The following PHLDB2 variants were observed in gnomAD, a reference collection of about 807,000 sequenced individuals.
PHLDB2 encodes pleckstrin homology-like domain family B member 2.
A neutral mutation model predicts 123.6 loss-of-function variants in PHLDB2; 71 were observed. The ratio of observed to expected loss-of-function variants is 0.57; its 90% CI spans 0.47 to 0.70. The LOEUF (loss-of-function observed/expected upper bound fraction) is 0.70, where lower values mean the gene tolerates loss of function less well. PHLDB2 is among the 30% of genes least tolerant of loss of function. The pLI is 0.00. For missense variants in PHLDB2, 1,446 were observed against 1,519.5 expected (o/e 0.95, Z 0.80); for synonymous variants, 547 against 541.6 (o/e 1.01, Z -0.14).
At chr3:111,765,919 T>C (rs571794133) in intron 1 of PHLDB2, among the ~76,000 whole-genome samples, 14 of 152,066 alleles carry the variant, frequency 9.2e-5, no homozygotes, top group Non-Finnish European at 1.9e-4. Context: ...CATACACACA[T>C]ACTGCAAATC....
In PHLDB2 at chr3:111,940,652, A is replaced by G. The variant is rs769677348; in HGVS notation, c.2397+7A>G. 9 of 1,534,322 alleles carry G rather than the reference A, an allele frequency of 5.9e-6. No individual in the cohort carries two copies. The Admixed American group carries it at 9.1e-5, about 15-fold the overall frequency. ...AATAATGATGTTGCAAAGAGTAAGT[A>G]TTTCCTTTTCAGCACTGGCTACAGT... On this transcript the variant is annotated splice_region_variant and intron_variant, in intron 8 of 17. Transcript: ENST00000431670.
chr3:111,752,219 A>AGTGTGTGTGT (rs57931243), intron 1 of PHLDB2, among the ~76,000 whole-genome samples: 17,921 of 146,846 alleles, frequency 0.12, 1,222 homozygotes, highest in East Asian at 0.3. Flanking sequence ...GAAGTTTCTA[A>AGTGTGTGTGT]GTGTGTGTGT....
Position 111,922,876 on chromosome 3 carries a change from C to T in PHLDB2, c.2001+2457C>T, listed in dbSNP as rs376469122. Among the ~76,000 whole-genome samples, 5 of 152,046 alleles carry T rather than the reference C, an allele frequency of 3.3e-5. No individual in the cohort carries two copies. In the East Asian group the frequency reaches 9.6e-4, roughly 29 times the overall value. On this transcript the variant is annotated intron_variant, in intron 5 of 17. Transcript: ENST00000431670. Reference sequence around the variant, plus strand: ...TCTTCTCACAATGAAGGCGGGGTTCCCTCCTTCCATCAAAGACCACTCCCT... The same window carrying T: ...TCTTCTCACAATGAAGGCGGGGTTCTCTCCTTCCATCAAAGACCACTCCCT...
chr3:111,866,013 C>CTTTTTTT (rs1239058039), intron 1 of PHLDB2, among the ~76,000 whole-genome samples: 1 of 47,674 alleles, frequency 2.1e-5, no homozygotes. Flanking sequence ...CCCACCCACT[C>CTTTTTTT]ATTTTTTTTT....
chr3:111,893,964 G>T (rs2066656694), intron 2 of PHLDB2, among the ~76,000 whole-genome samples: 1 of 145,532 alleles, frequency 6.9e-6, no homozygotes, highest in South Asian at 2.2e-4. Context: ...CATTGTGCAG[G>T]TTAGTTACAT....
chr3:111,937,750 G>A (rs1397293654), intron 6 of PHLDB2, among the ~76,000 whole-genome samples: 1 of 148,838 alleles, frequency 6.7e-6, no homozygotes, highest in East Asian at 2.0e-4. Flanking sequence ...ACTCCAGCCT[G>A]AGTGACAAAG....
chr3:111,759,120 C>CTT (rs34027939), intron 1 of PHLDB2, among the ~76,000 whole-genome samples: 3,256 of 147,766 alleles, frequency 0.022, 51 homozygotes, highest in African/African-American at 0.026. Context: ...AGTGATATAT[C>CTT]TTTTTTTTTT....
upstream of PHLDB2, among the ~76,000 whole-genome samples, chr3:111,857,426 G>A (rs1344914115): frequency 1.4e-5 from 2 of 146,722 alleles, no homozygotes; most frequent in African/African-American, 5.0e-5. Context: ...ACTCCAACCT[G>A]GGTGACAAAG....
rs2066099449 is a variant in PHLDB2 at position 111,885,391 on chromosome 3, G to A, written c.1314G>A (p.Arg438=). The part of the protein sequence containing the change: ...YHRRQREERL[R]EQEMERLERQ... ...GGCGGCAGAGGGAGGAAAGACTCAG[G>A]GAGCAGGAAATGGAGCGATTGGTAA... is the stretch of plus-strand genomic sequence containing the variant. The change falls in exon 2 of 18, where the codon AGG becomes AGA. Residue 438 remains arginine (R), a synonymous_variant. Transcript: ENST00000431670. 6.2e-7 allele frequency: 1 copy of A among 1,614,150 alleles called. No homozygotes were observed. Among genetic ancestry groups the A allele is most frequent in the East Asian group, 2.2e-5 (1 of 44,876 alleles).
At chr3:111,881,766 C>T (rs113476841) in intron 1 of PHLDB2, among the ~76,000 whole-genome samples, 18 of 132,180 alleles carry the variant, frequency 1.4e-4, no homozygotes, top group African/African-American at 4.8e-4. Context: ...TCACATACCT[C>T]ACTTTTCTTT....
intron 1 of PHLDB2, among the ~76,000 whole-genome samples, chr3:111,817,270 G>A (rs938298607): frequency 6.6e-6 from 1 of 152,068 alleles, no homozygotes; most frequent in African/African-American, 2.4e-5. Flanking sequence ...GCAACTCTGG[G>A]GATCAAATTT....
chr3:111,934,367 T>C (rs530569472), intron 6 of PHLDB2, among the ~76,000 whole-genome samples: 160 of 152,336 alleles, frequency 1.1e-3, no homozygotes, highest in African/African-American at 3.6e-3. Context: ...TATCTCCCTT[T>C]AGACTTCAAA....
rs1489270019 is a variant in PHLDB2 at position 111,975,979 on chromosome 3, AG to A, written c.*1417del. On this transcript the variant is annotated 3_prime_UTR_variant, in exon 18 of 18. Coordinates refer to ENST00000431670, the MANE Select transcript of PHLDB2 (RefSeq NM_001134438.2). ...TAAGATTTTGCAACTGGATGACACAAGATTTTACTTGAACAGTGAAGGACAA... is the reference window on the plus strand; with the variant it reads ...TAAGATTTTGCAACTGGATGACACAAATTTTACTTGAACAGTGAAGGACAA... 1 of 152,700 alleles carries A rather than the reference AG, an allele frequency of 6.5e-6. No individual in the cohort carries two copies. The highest frequency in any genetic ancestry group is 1.9e-4 in the East Asian group (1 of 5,208). 9.5% of individuals were successfully genotyped at this position (152,700 alleles called of 1,614,324 possible). A position where few individuals can be genotyped will look rare whatever the true frequency, so the allele number is the denominator to read the frequency against.
intron 6 of PHLDB2, among the ~76,000 whole-genome samples, chr3:111,939,093 C>A (rs1021562674): frequency 1.3e-5 from 2 of 152,172 alleles, no homozygotes; most frequent in Admixed American, 1.3e-4. Context: ...CATGCATGAG[C>A]CACCCACCAC....
intron 1 of PHLDB2, among the ~76,000 whole-genome samples, chr3:111,876,944 T>C (rs7649418): frequency 0.48 from 72,901 of 152,056 alleles, 18,401 homozygotes; most frequent in East Asian, 0.78. Context: ...GTATATGTGC[T>C]ACATTTTCTT....
At chr3:111,886,043 T>G (rs2066142922) in intron 2 of PHLDB2, among the ~76,000 whole-genome samples, 1 of 152,224 alleles carries the variant, frequency 6.6e-6, no homozygotes. Flanking sequence ...TGTTGAAATA[T>G]TGAAAATAAG....
chr3:111,904,276 T>TTAAAAAAAAAAAAA (rs1368088646), intron 2 of PHLDB2, among the ~76,000 whole-genome samples: 1,904 of 10,858 alleles, frequency 0.18, 94 homozygotes, highest in African/African-American at 0.31. Context: ...AGACCCTGTC[T>TTAAAAAAAAAAAAA]CAAAAAAAAA....
intron 1 of PHLDB2, among the ~76,000 whole-genome samples, chr3:111,776,213 T>A (rs1029477200): frequency 2.0e-5 from 3 of 152,110 alleles, no homozygotes; most frequent in African/African-American, 7.2e-5. Context: ...TGAGAAATAA[T>A]CCCCTTTATC....
In PHLDB2 at chr3:111,847,771, G is replaced by C. The variant is rs145497259; in HGVS notation, c.67+1836G>C. On this transcript the variant is annotated intron_variant, in intron 2 of 17. Coordinates refer to the PHLDB2 transcript ENST00000393923. ...TTATTCCTGGCTCTCTCTAAAAGTG[G>C]GGAAATACCAGGTAGTAAATGAAGG... Among the ~76,000 whole-genome samples, 547 of 152,206 alleles carry C rather than the reference G, an allele frequency of 3.6e-3. 2 individuals carry two copies. Among genetic ancestry groups the C allele is most frequent in the Non-Finnish European group, 6.7e-3 (458 of 68,000 alleles).
Sources: gnomAD v4.1 joint callset for allele counts (sites outside exome capture counted in the v4.1 genomes callset) on GRCh38, gnomAD v4.1.1 for gene constraint, MANE v1.5 for transcripts, NCBI Gene and HGNC (gene_info 2026-07-23, HGNC 2026-07-21) for gene names.